DSC1: variants seen among roughly 807,000 people sequenced by gnomAD.
DSC1 encodes desmocollin-1.
In DSC1, 79 loss-of-function variants were observed where a neutral mutation model predicts 98.8. The observed-to-expected ratio is 0.80, with a 90% CI of 0.67 to 0.96. The LOEUF (loss-of-function observed/expected upper bound fraction) is 0.96. Among genes scored for constraint, DSC1 ranks in the 50% least tolerant of loss-of-function variants. The pLI, the probability that DSC1 is intolerant of heterozygous loss-of-function variation, is 0.00. For synonymous variants in DSC1, 405 were observed against 372.1 expected (o/e 1.09, Z -1.02); for missense variants, 1,115 against 1,075.9 (o/e 1.04, Z -0.51).
chr18:31,142,224 T>C (rs751158298), intron 8 of DSC1, 40 bp from the exon 9 acceptor site: 1 of 1,572,988 alleles, frequency 6.4e-7, no homozygotes, highest in African/African-American at 1.4e-5. Context: ...TTTACAACTT[T>C]GACAATGTAG....
rs1221089035 is a variant in DSC1 at position 31,134,804 on chromosome 18, G to C, written c.1664-20C>G. ...GGCCAACTAAGATTAATTAAAAATA[G>C]GTTATTTCTTCACATGAAAATGCAT... On this transcript the variant is annotated intron_variant, in intron 11 of 15. Transcript: ENST00000257198. 9 of 1,585,198 alleles carry C rather than the reference G, an allele frequency of 5.7e-6. No homozygotes were observed. Among genetic ancestry groups the C allele is most frequent in the Non-Finnish European group, 7.8e-6 (9 of 1,158,042 alleles).
intron 11 of DSC1, 103 bp downstream of exon 11, chr18:31,139,645 T>C: frequency 8.4e-7 from 1 of 1,193,494 alleles, no homozygotes; most frequent in Admixed American, 3.0e-5. Flanking sequence ...AATGCAAACA[T>C]TGCTTGAATT....
chr18:31,155,055 C>T (rs1054858766), intron 4 of DSC1, 126 bp from the exon 5 acceptor site: 2 of 1,120,154 alleles, frequency 1.8e-6, no homozygotes, highest in African/African-American at 3.2e-5. Flanking sequence ...CTTTCTTCTG[C>T]TTAGGTGCCC....
intron 6 of DSC1, among the ~76,000 whole-genome samples, chr18:31,147,520 G>A (rs751830996): frequency 4.6e-5 from 7 of 151,962 alleles, no homozygotes; most frequent in Non-Finnish European, 1.0e-4. Flanking sequence ...AAACTAGAAC[G>A]TTTTATGTAG....
rs1989233552 is a variant in DSC1 at position 31,162,696 on chromosome 18, C to T, written c.-102G>A. 4 of 988,202 alleles carry T rather than the reference C, an allele frequency of 4.0e-6. No individual in the cohort carries two copies. The South Asian group carries it at 4.1e-5, about 10-fold the overall frequency. 61.2% of individuals were successfully genotyped at this position (988,202 alleles called of 1,614,324 possible). ...GCTGGCACTTGCACAGGGTATTCTG[C>T]TGCCACCTTGATGCAGCTGAGCTTG... On this transcript the variant is annotated 5_prime_UTR_variant, in exon 1 of 16. Coordinates refer to ENST00000257198, the MANE Select transcript of DSC1 (RefSeq NM_024421.2).
In DSC1 at chr18:31,130,508, G is replaced by T. The variant is rs1295291712; in HGVS notation, c.*6C>A. The T allele has an allele frequency of 3.1e-6, 5 of 1,613,726 alleles. No individual in the cohort carries two copies. Among genetic ancestry groups the T allele is most frequent in the Non-Finnish European group, 4.2e-6 (5 of 1,179,866 alleles). On this transcript the variant is annotated 3_prime_UTR_variant, in exon 16 of 16. Transcript: ENST00000257198. Reference sequence around the variant, plus strand: ...TCTGTGGATATTACACTATTAAAAGGCACATTTATTTCTTGATGCATGTCT... The same window carrying T: ...TCTGTGGATATTACACTATTAAAAGTCACATTTATTTCTTGATGCATGTCT...
At position 31,148,611 on chromosome 18, in the gene DSC1, T is replaced by C; in HGVS notation, c.659A>G (p.Tyr220Cys). The C allele has an allele frequency of 1.2e-6, 2 of 1,604,824 alleles. No individual in the cohort carries two copies. The highest frequency in any genetic ancestry group is 1.7e-6 in the Non-Finnish European group (2 of 1,173,482). Residue 220 changes from tyrosine to cysteine, a missense_variant, in exon 6 of 16, where the codon TAT (tyrosine) becomes TGT (cysteine). By Grantham distance (194) the Tyr-to-Cys change is radical. Coordinates refer to ENST00000257198, the MANE Select transcript of DSC1 (RefSeq NM_024421.2). ...LYGYATTADGYAPEYPLPLII... is the reference protein window; with the variant it reads ...LYGYATTADGCAPEYPLPLII... ...CAAAGGGAGTGGATATTCTGGTGCATAGCCATCTGCAGTTGTTGCATAGCC... is the reference window on the plus strand; with the variant it reads ...CAAAGGGAGTGGATATTCTGGTGCACAGCCATCTGCAGTTGTTGCATAGCC...
chr18:31,148,499 G>C lies in DSC1; in HGVS notation c.771C>G (p.Ser257=). ...TGCTACAATAAAATGTGAACTTACCGGATCGGCAATTTTCAGGCACAGTAA... is the reference window on the plus strand; with the variant it reads ...TGCTACAATAAAATGTGAACTTACCCGATCGGCAATTTTCAGGCACAGTAA... ...TIFTVPENCR[S]GTSVGKVTAT... is the part of the protein sequence containing the mutation. Residue 257 remains serine (S), a splice_region_variant and synonymous_variant, in exon 6 of 16, where the codon TCC becomes TCG. Transcript: ENST00000257198. 2 of 1,591,534 alleles carry C rather than the reference G, an allele frequency of 1.3e-6. No individual in the cohort carries two copies.
chr18:31,130,592 C>A lies in DSC1; in HGVS notation c.2607G>T (p.Gln869His). The change falls in exon 16 of 16, where the codon CAG becomes CAT. Residue 869 changes from glutamine (Q) to histidine (H), a missense_variant. Physicochemically the swap from Gln to His is conservative, Grantham distance 24. Coordinates refer to ENST00000257198, the MANE Select transcript of DSC1 (RefSeq NM_024421.2). ...AGSVGCCSDR[Q>H]EEEGLEFLDH... is the part of the protein sequence containing the mutation. ...CTAGAAACTCCAGTCCCTCTTCTTC[C>A]TGCCGATCGCTGCAGCAACCTACTG... 1 of 1,614,164 alleles carries A rather than the reference C, an allele frequency of 6.2e-7. No homozygotes were observed. Among genetic ancestry groups the A allele is most frequent in the East Asian group, 2.2e-5 (1 of 44,886 alleles).
rs143317791 is a variant in DSC1, at chr18:31,139,822, A to C, written c.1589T>G (p.Leu530Arg). 22 of 1,612,360 alleles carry C rather than the reference A, an allele frequency of 1.4e-5. No individual in the cohort carries two copies. In the Middle Eastern group the frequency reaches 8.2e-4, roughly 60 times the overall value. ...TTTGGATTCTCTATCTAGTACTTTT[A>C]GAGTTCTCAAGTCGCCAGTGTGTTG... ...INQHTGDLRT[L>R]KVLDRESKFV... Residue 530 changes from leucine (L) to arginine (R), a missense_variant, in exon 11 of 16, where the codon CTA (leucine) becomes CGA (arginine). Transcript: ENST00000257198.
At position 31,159,545 on chromosome 18, in the gene DSC1, A is replaced by AAG; in HGVS notation, c.64-17_64-16insCT. ...ATGTTAAAACCTCAAAAAAAAAAAA[A>AAG]GAAAAAATATCAGGAATTAAATTTG... On this transcript the variant is annotated splice_polypyrimidine_tract_variant and intron_variant, in intron 1 of 15. Transcript: ENST00000257198. 1.9e-6 allele frequency: 3 copies of AAG among 1,578,352 alleles called. No homozygotes were observed. Among genetic ancestry groups the AAG allele is most frequent in the Non-Finnish European group, 2.6e-6 (3 of 1,165,106 alleles).
At chr18:31,150,683 C>T (rs998805544) in intron 5 of DSC1, 2 of 152,606 alleles carry the variant, frequency 1.3e-5, no homozygotes, top group African/African-American at 4.8e-5. Flanking sequence ...GTCACCCTTC[C>T]TAAAAATCCT....
intron 11 of DSC1, among the ~76,000 whole-genome samples, chr18:31,136,803 G>A (rs1988620557): frequency 1.3e-5 from 2 of 152,166 alleles, no homozygotes; most frequent in South Asian, 4.1e-4. Context: ...GGTTGGACAA[G>A]CTTGTCTTAG....
chr18:31,130,437 G>T lies in DSC1; in HGVS notation c.*77C>A, dbSNP rs962765942. On this transcript the variant is annotated 3_prime_UTR_variant, in exon 16 of 16. Coordinates refer to ENST00000257198, the MANE Select transcript of DSC1 (RefSeq NM_024421.2). ...TTTACCTCCATAAACAAAAACATTA[G>T]CAGATGCTGCTAACATTCTGCAAGT... 1.5e-5 allele frequency: 23 copies of T among 1,530,186 alleles called. No individual in the cohort carries two copies. Among genetic ancestry groups the T allele is most frequent in the Admixed American group, 3.5e-5 (2 of 56,984 alleles). 94.8% of individuals were successfully genotyped at this position (1,530,186 alleles called of 1,614,324 possible).
chr18:31,154,070 T>C (rs996572305), intron 5 of DSC1, among the ~76,000 whole-genome samples: 24 of 152,188 alleles, frequency 1.6e-4, no homozygotes, highest in African/African-American at 5.8e-4. Flanking sequence ...AATATCTCAT[T>C]TCATCAGATG....
intron 14 of DSC1, chr18:31,132,100 GT>G: frequency 2.0e-6 from 1 of 507,314 alleles, no homozygotes; most frequent in Non-Finnish European, 3.6e-6. Context: ...CTAAGATGAG[GT>G]TATATGGGAT....
At chr18:31,150,228 CCACCAT>C (rs1988942534) in intron 5 of DSC1, among the ~76,000 whole-genome samples, 2 of 144,300 alleles carry the variant, frequency 1.4e-5, no homozygotes, top group Admixed American at 7.0e-5. Context: ...ACCACCACTA[CCACCAT>C]CATCACCACC....
Position 31,133,819 on chromosome 18 carries a change from C to G in DSC1, c.2116+72G>C. The G allele has an allele frequency of 8.9e-6, 13 of 1,457,082 alleles. No homozygotes were observed. The South Asian group carries it at 1.9e-4, about 21-fold the overall frequency. 90.3% of individuals were successfully genotyped at this position (1,457,082 alleles called of 1,614,324 possible). A position where few individuals can be genotyped will look rare whatever the true frequency, so the allele number is the denominator to read the frequency against. On this transcript the variant is annotated intron_variant, in intron 13 of 15. Transcript: ENST00000257198. ...TCCCAAAGGCTATTAATATAAAAAA[C>G]TTCCATGTTTTAAAAATACTAGATA...
At chr18:31,135,768 G>A (rs1217006146) in intron 11 of DSC1, among the ~76,000 whole-genome samples, 3 of 151,978 alleles carry the variant, frequency 2.0e-5, no homozygotes, top group Non-Finnish European at 4.4e-5. Context: ...TTTGTAAAAG[G>A]ATAATAAACT....
Sources: allele counts gnomAD v4.1 joint callset (sites outside exome capture counted in the v4.1 genomes callset), GRCh38; gene constraint gnomAD v4.1.1; transcripts MANE v1.5; gene names NCBI Gene and HGNC (gene_info 2026-07-23, HGNC 2026-07-21).